GRM5: variants seen among roughly 807,000 people sequenced by gnomAD.
GRM5 encodes the protein glutamate metabotropic receptor 5, also known as metabotropic glutamate receptor 5.
In GRM5, 19 loss-of-function variants were observed where a neutral mutation model predicts 83.1. The observed-to-expected ratio is 0.23, with a 90% CI of 0.16 to 0.34. GRM5 has a LOEUF of 0.34. Among genes scored for constraint, GRM5 ranks in the 10% least tolerant of loss-of-function variants. GRM5 has a pLI of 1.00. For synonymous variants in GRM5, 675 were observed against 633.6 expected (o/e 1.07, Z -0.98); for missense variants, 1,160 against 1,588.3 (o/e 0.73, Z 4.58).
At chr11:88,583,557 T>A (rs1410823070) in intron 7 of GRM5, among the ~76,000 whole-genome samples, 1 of 152,228 alleles carries the variant, frequency 6.6e-6, no homozygotes. Flanking sequence ...AAAGACAGGC[T>A]ATTTTTGCTC....
intron 3 of GRM5, among the ~76,000 whole-genome samples, chr11:88,677,656 A>T (rs1406086039): frequency 1.3e-5 from 2 of 152,148 alleles, no homozygotes; most frequent in African/African-American, 4.8e-5. Context: ...ATCCTCTTTA[A>T]TGCTGAAACC....
At chr11:88,801,078 A>T (rs1943384601) in intron 3 of GRM5, among the ~76,000 whole-genome samples, 1 of 152,140 alleles carries the variant, frequency 6.6e-6, no homozygotes, top group Admixed American at 6.6e-5. Flanking sequence ...TGGGGTAATG[A>T]CAGCCCAGAG....
intron 2 of GRM5, among the ~76,000 whole-genome samples, chr11:89,028,217 T>A (rs1427135943): frequency 6.6e-6 from 1 of 152,160 alleles, no homozygotes; most frequent in Non-Finnish European, 1.5e-5. Flanking sequence ...GAAGCCCACA[T>A]CCTCATTAAT....
intron 2 of GRM5, among the ~76,000 whole-genome samples, chr11:88,986,253 T>C (rs1939706260): frequency 6.6e-6 from 1 of 152,162 alleles, no homozygotes; most frequent in Non-Finnish European, 1.5e-5. Context: ...AAAGGTCATA[T>C]ATTGTATGGT....
chr11:88,804,362 A>T (rs1351502491), intron 3 of GRM5, among the ~76,000 whole-genome samples: 1 of 149,284 alleles, frequency 6.7e-6, no homozygotes, highest in Non-Finnish European at 1.5e-5. Flanking sequence ...AGCCATAAAA[A>T]ATGATGAGTT....
chr11:88,850,514 C>A (rs1346760162), intron 2 of GRM5, among the ~76,000 whole-genome samples: 1 of 151,842 alleles, frequency 6.6e-6, no homozygotes, highest in Admixed American at 6.6e-5. Flanking sequence ...CTTTACTTCT[C>A]ATTAATGACA....
chr11:88,920,596 C>T (rs1295688164), intron 2 of GRM5, among the ~76,000 whole-genome samples: 1 of 152,028 alleles, frequency 6.6e-6, no homozygotes, highest in Non-Finnish European at 1.5e-5. Flanking sequence ...CAGTAATATC[C>T]TGATACCAAA....
intron 3 of GRM5, among the ~76,000 whole-genome samples, chr11:88,832,334 T>C (rs1267505178): frequency 6.6e-6 from 1 of 152,064 alleles, no homozygotes; most frequent in African/African-American, 2.4e-5. Context: ...AATAATGAAC[T>C]GGCTGAGGAG....
rs1170769643 is a variant in GRM5 at position 88,505,642 on chromosome 11, T to C, written c.*2950A>G. Reference sequence around the variant, plus strand: ...GTTCTTCTTAGGCTGCCCCCACTCCTTTCCCAAAATGGAAGGATGAGTGGA... The same window carrying C: ...GTTCTTCTTAGGCTGCCCCCACTCCCTTCCCAAAATGGAAGGATGAGTGGA... On this transcript the variant is annotated 3_prime_UTR_variant, in exon 10 of 10. Transcript: ENST00000305447. The C allele has an allele frequency of 6.6e-6, 1 of 152,204 alleles. No individual in the cohort carries two copies. Among genetic ancestry groups the C allele is most frequent in the African/African-American group, 2.4e-5 (1 of 41,466 alleles). The allele number at this position is 152,204 out of a possible 1,614,324, so 9.4% of individuals were successfully genotyped here. A position where few individuals can be genotyped will look rare whatever the true frequency, so the allele number is the denominator to read the frequency against.
intron 8 of GRM5, among the ~76,000 whole-genome samples, chr11:88,535,812 TTAC>T (rs1942118998): frequency 6.6e-6 from 1 of 152,210 alleles, no homozygotes; most frequent in African/African-American, 2.4e-5. Context: ...TCTAAAGAAG[TTAC>T]TACTAACAAA....
At chr11:89,035,657 T>A (rs1271025792) in intron 2 of GRM5, among the ~76,000 whole-genome samples, 1 of 152,018 alleles carries the variant, frequency 6.6e-6, no homozygotes, top group Non-Finnish European at 1.5e-5. Context: ...GTATTAATAA[T>A]ATATTAATAA....
At chr11:89,061,862 T>C (rs190504649) in intron 1 of GRM5, among the ~76,000 whole-genome samples, 167 of 152,332 alleles carry the variant, frequency 1.1e-3, no homozygotes, top group Non-Finnish European at 2.0e-3. Flanking sequence ...AACATTCCCG[T>C]GTGATAGCAC....
intron 2 of GRM5, among the ~76,000 whole-genome samples, chr11:89,027,759 A>G (rs2135119677): frequency 6.6e-6 from 1 of 152,322 alleles, no homozygotes; most frequent in Non-Finnish European, 1.5e-5. Flanking sequence ...TATTTATTTG[A>G]CCTCCATGTA....
intron 2 of GRM5, among the ~76,000 whole-genome samples, chr11:88,920,541 G>A (rs915717130): frequency 6.6e-6 from 1 of 151,082 alleles, no homozygotes; most frequent in African/African-American, 2.4e-5. Flanking sequence ...AGAGGAGGAG[G>A]GAATATTTCC....
In GRM5 at chr11:88,781,181, C is replaced by T. The variant is rs1942969060; in HGVS notation, c.911+68725G>A. 1.3e-5 allele frequency among the ~76,000 whole-genome samples: 2 copies of T among 149,180 alleles called. 1 individual carries two copies. The highest frequency in any genetic ancestry group is 4.9e-5 in the African/African-American group (2 of 40,634). On this transcript the variant is annotated intron_variant, in intron 3 of 9. Coordinates refer to ENST00000305447, the MANE Select transcript of GRM5 (RefSeq NM_001143831.3). ...TTTGGTGTATCCTTTTGTGCAGAGGCTTATTTTGAAGAGCATGTGGGAGAG... is the reference window on the plus strand; with the variant it reads ...TTTGGTGTATCCTTTTGTGCAGAGGTTTATTTTGAAGAGCATGTGGGAGAG...
intron 8 of GRM5, among the ~76,000 whole-genome samples, chr11:88,543,144 T>G (rs1942308284): frequency 6.6e-6 from 1 of 152,210 alleles, no homozygotes; most frequent in Non-Finnish European, 1.5e-5. Context: ...AATGCCGTGG[T>G]GTAATTTGAA....
At position 88,525,386 on chromosome 11, in the gene GRM5, C is replaced by A. The variant is rs1203363199; in HGVS notation, c.2649G>T (p.Leu883=). Residue 883 remains leucine, a synonymous_variant, in exon 9 of 10, where the codon CTG becomes CTT. Coordinates refer to ENST00000305447, the MANE Select transcript of GRM5 (RefSeq NM_001143831.3). ...GETLRYKDRR[L]AQHKSEIECF... ...ACTCTATTTCCGACTTGTGCTGGGC[C>A]AGTCTCCTGTCTTTGTACCTGGTGA... The A allele has an allele frequency of 5.0e-6, 8 of 1,609,244 alleles. No individual in the cohort carries two copies. Among genetic ancestry groups the A allele is most frequent in the Non-Finnish European group, 6.8e-6 (8 of 1,175,722 alleles).
intron 2 of GRM5, among the ~76,000 whole-genome samples, chr11:88,951,089 G>A (rs1342400184): frequency 3.3e-5 from 5 of 152,122 alleles, no homozygotes; most frequent in Non-Finnish European, 5.9e-5. Context: ...GTGTGTGTGT[G>A]TGTGTATCTG....
At chr11:89,038,149 CATT>C (rs536262447) in intron 2 of GRM5, among the ~76,000 whole-genome samples, 6,672 of 121,576 alleles carry the variant, frequency 0.055, 254 homozygotes, top group African/African-American at 0.16. Flanking sequence ...TTTAGAATCT[CATT>C]GTGTGTGTGT....
Sources: allele counts gnomAD v4.1 joint callset (sites outside exome capture counted in the v4.1 genomes callset), GRCh38; gene constraint gnomAD v4.1.1; transcripts MANE v1.5; gene names NCBI Gene and HGNC (gene_info 2026-07-23, HGNC 2026-07-21).